The following MARS1 variants were observed in gnomAD, a reference collection of about 807,000 sequenced individuals.
The protein encoded by MARS1 is methionyl-tRNA synthetase 1.
A neutral mutation model predicts 119.5 loss-of-function variants in MARS1; 80 were observed. That is an observed-to-expected ratio of 0.67 (90% CI 0.56 to 0.81). The LOEUF (loss-of-function observed/expected upper bound fraction) is 0.81, where lower values mean the gene tolerates loss of function less well. MARS1 is among the 30% of genes least tolerant of loss of function. The probability of loss-of-function intolerance (pLI) is 0.00; values close to 1 mark genes in which losing one functional copy is unlikely to be tolerated. For synonymous variants in MARS1, 418 were observed against 433.4 expected, an observed-to-expected ratio of 0.96 and a Z score of 0.44; for missense variants, 945 against 1,116.5, an observed-to-expected ratio of 0.85 and a Z score of 2.19.
chr12:57,516,111 T>TAA (rs1266224782), intron 19 of MARS1, 120 bp downstream of exon 19: 3 of 1,377,726 alleles, frequency 2.2e-6, no homozygotes, highest in Non-Finnish European at 3.1e-6. Flanking sequence ...CTTCCTCACT[T>TAA]ACAGTTTTTC....
intron 7 of MARS1, among the ~76,000 whole-genome samples, chr12:57,497,340 A>G (rs927908416): frequency 1.3e-5 from 2 of 152,194 alleles, no homozygotes; most frequent in Admixed American, 1.3e-4. Context: ...TGGGATATAT[A>G]GCAGCAGCTG....
chr12:57,503,233 CTTTTTTT>C (rs777768874), intron 10 of MARS1, among the ~76,000 whole-genome samples: 2 of 136,104 alleles, frequency 1.5e-5, no homozygotes, highest in Admixed American at 1.5e-4. Flanking sequence ...GCACTTGTTT[CTTTTTTT>C]TTTTTTTTTT....
chr12:57,498,439 T>TGTG lies in MARS1; in HGVS notation c.908_909insTGG (p.Trp303delinsCysGly). 6.2e-7 allele frequency: 1 copy of TGTG among 1,613,920 alleles called. No individual in the cohort carries two copies. The highest frequency in any genetic ancestry group is 8.5e-7 in the Non-Finnish European group (1 of 1,179,988). ...TTGCAGGTACTCTCGCCTCCGCCAGTGGAACACCCTCTATCTGTGTGGGAC... is the reference window on the plus strand; with the variant it reads ...TTGCAGGTACTCTCGCCTCCGCCAGTGTGGGAACACCCTCTATCTGTGTGGGAC... On this transcript the variant is annotated protein_altering_variant, in exon 9 of 21. Transcript: ENST00000262027.
chr12:57,506,430 AAAAT>A (rs1452374061), intron 11 of MARS1, among the ~76,000 whole-genome samples: 1 of 152,180 alleles, frequency 6.6e-6, no homozygotes, highest in African/African-American at 2.4e-5. Flanking sequence ...CCCTGTCTCA[AAAAT>A]AAATAAATAC....
intron 11 of MARS1, among the ~76,000 whole-genome samples, chr12:57,508,217 T>C (rs559962856): frequency 1.3e-5 from 2 of 151,938 alleles, no homozygotes; most frequent in East Asian, 3.9e-4. Flanking sequence ...TCCCAGACGA[T>C]GGGTGGCCAG....
At chr12:57,493,988 C>T (rs1322599998) in intron 7 of MARS1, among the ~76,000 whole-genome samples, 2 of 126,982 alleles carry the variant, frequency 1.6e-5, no homozygotes, top group African/African-American at 6.1e-5. Flanking sequence ...CAGAGTTTCG[C>T]CTTGTCATCC....
At chr12:57,496,174 T>C (rs1876621654) in intron 7 of MARS1, among the ~76,000 whole-genome samples, 1 of 143,694 alleles carries the variant, frequency 7.0e-6, no homozygotes, top group Non-Finnish European at 1.5e-5. Flanking sequence ...ATATAAGCAC[T>C]TTCTTTTTTT....
intron 11 of MARS1, among the ~76,000 whole-genome samples, chr12:57,504,631 A>G (rs1255047241): frequency 6.6e-6 from 1 of 150,692 alleles, no homozygotes; most frequent in African/African-American, 2.4e-5. Context: ...AGCTCACTGC[A>G]GCCTTGATAT....
chr12:57,488,703 AC>A, intron 1 of MARS1: 1 of 1,492,824 alleles, frequency 6.7e-7, no homozygotes, highest in South Asian at 1.2e-5. Context: ...TCCCACTGTG[AC>A]CTTCAGATAA....
In MARS1 at chr12:57,516,330, C is replaced by T. The variant is rs760285704; in HGVS notation, c.2549C>T (p.Thr850Ile). The T allele has an allele frequency of 7.4e-6, 12 of 1,614,002 alleles. No individual in the cohort carries two copies. The African/African-American group carries it at 1.2e-4, about 16-fold the overall frequency. Residue 850 changes from threonine to isoleucine, a missense_variant, in exon 20 of 21, where the codon ACA becomes ATA. By Grantham distance (89) the Thr-to-Ile change is moderately conservative. Coordinates refer to ENST00000262027, the MANE Select transcript of MARS1 (RefSeq NM_004990.4). ...ATACAAGCGCTGATGGATGAAGTGA[C>T]AAAACAAGTATGAAGCTTAAGCCCT... ...QQIQALMDEV[T>I]KQGNIVRELK...
chr12:57,488,646 C>T (rs1170875888), intron 1 of MARS1: 4 of 1,550,778 alleles, frequency 2.6e-6, no homozygotes, highest in Non-Finnish European at 3.5e-6. Context: ...TTGGGTGACT[C>T]TTAGGAGGTT....
chr12:57,511,576 C>CT, intron 11 of MARS1, 122 bp from the exon 12 acceptor site: 1 of 944,140 alleles, frequency 1.1e-6, no homozygotes, highest in Non-Finnish European at 1.6e-6. Flanking sequence ...GAGCAAGACT[C>CT]TGTCTCCAAA....
At chr12:57,495,871 G>A (rs1284312190) in intron 7 of MARS1, among the ~76,000 whole-genome samples, 2 of 152,208 alleles carry the variant, frequency 1.3e-5, no homozygotes, top group African/African-American at 2.4e-5. Flanking sequence ...GTGGCGGCGC[G>A]CGCCTGCAAT....
intron 7 of MARS1, among the ~76,000 whole-genome samples, chr12:57,497,038 C>T (rs1450871823): frequency 6.6e-6 from 1 of 152,102 alleles, no homozygotes; most frequent in Non-Finnish European, 1.5e-5. Flanking sequence ...CTATACTTGC[C>T]ACAGCAGTAA....
intron 18 of MARS1, 82 bp from the exon 19 acceptor site, chr12:57,515,838 T>A: frequency 1.0e-6 from 1 of 976,538 alleles, no homozygotes; most frequent in Non-Finnish European, 1.6e-6. Flanking sequence ...CATCAGAGAT[T>A]GGGGTTGGAG....
chr12:57,492,338 G>C (rs2052317991), intron 7 of MARS1, among the ~76,000 whole-genome samples: 1 of 150,300 alleles, frequency 6.7e-6, no homozygotes, highest in Admixed American at 6.6e-5. Flanking sequence ...GGAAATATCA[G>C]AGGTGACTAA....
In MARS1 at chr12:57,491,530, T is replaced by C. The variant is rs182464319; in HGVS notation, c.770+886T>C. ...GTCTTTGAATCCACCCCTTCTCCTC[T>C]CTGTTGTCACTGTCACTACACAGAT... is the stretch of plus-strand genomic sequence containing the variant. On this transcript the variant is annotated intron_variant, in intron 7 of 20. Coordinates refer to ENST00000262027, the MANE Select transcript of MARS1 (RefSeq NM_004990.4). Among the ~76,000 whole-genome samples, 36 of 152,288 alleles carry C rather than the reference T, an allele frequency of 2.4e-4. No homozygotes were observed. The East Asian group carries it at 6.6e-3, about 28-fold the overall frequency.
At chr12:57,489,201 G>C (rs1366846224) in intron 2 of MARS1, 66 bp from the exon 3 acceptor site, 1 of 1,600,202 alleles carries the variant, frequency 6.2e-7, no homozygotes, top group Non-Finnish European at 8.6e-7. Context: ...TTGTTTCCCT[G>C]TGTGATGAGA....
chr12:57,508,121 C>T (rs1357641658), intron 11 of MARS1, among the ~76,000 whole-genome samples: 1 of 152,082 alleles, frequency 6.6e-6, no homozygotes, highest in African/African-American at 2.4e-5. Flanking sequence ...GGAAGAGGCG[C>T]TCCTCACTTC....
Sources: allele counts gnomAD v4.1 joint callset (sites outside exome capture counted in the v4.1 genomes callset), GRCh38; gene constraint gnomAD v4.1.1; transcripts MANE v1.5; gene names NCBI Gene and HGNC (gene_info 2026-07-23, HGNC 2026-07-21).